NPIPA5: variants seen among roughly 807,000 people sequenced by gnomAD.
The protein encoded by NPIPA5 is nuclear pore complex interacting protein family member A5.
In NPIPA5, 6 loss-of-function variants were observed where a neutral mutation model predicts 21.4. The ratio of observed to expected loss-of-function variants is 0.28; its 90% CI spans 0.15 to 0.55. The LOEUF (loss-of-function observed/expected upper bound fraction) is 0.55. Ranked by LOEUF, NPIPA5 falls within the 20% of genes least tolerant of loss-of-function variation. The pLI is 0.93. For synonymous variants in NPIPA5, 33 were observed against 115.3 expected (o/e 0.29, Z 4.57); for missense variants, 99 against 318.2 (o/e 0.31, Z 5.24).
intron 2 of NPIPA5, among the ~76,000 whole-genome samples, chr16:15,372,369 C>A (rs893365728): frequency 1.1e-4 from 16 of 147,744 alleles, no homozygotes; most frequent in African/African-American, 3.9e-4. Context: ...CCTGTAATCC[C>A]AGCTACTTGA....
intron 1 of NPIPA5, among the ~76,000 whole-genome samples, chr16:15,375,377 A>G (rs2050263394): frequency 1.6e-5 from 1 of 63,484 alleles, no homozygotes; most frequent in Non-Finnish European, 4.1e-5. Context: ...AAAGCTCAGC[A>G]TAAGTAAAAA....
chr16:15,371,389 C>G (rs1253066020), intron 2 of NPIPA5, among the ~76,000 whole-genome samples: 1 of 147,646 alleles, frequency 6.8e-6, no homozygotes, highest in African/African-American at 2.5e-5. Context: ...TCCATATTAT[C>G]ACAGTATGCT....
intron 1 of NPIPA5, among the ~76,000 whole-genome samples, chr16:15,377,817 G>T (rs1291323810): frequency 2.7e-5 from 4 of 150,898 alleles, no homozygotes; most frequent in African/African-American, 9.7e-5. Flanking sequence ...AGAAGATCAG[G>T]GAAGCAACAG....
intron 2 of NPIPA5, among the ~76,000 whole-genome samples, chr16:15,370,703 A>T (rs2050130471): frequency 1.4e-5 from 2 of 138,864 alleles, no homozygotes; most frequent in South Asian, 4.9e-4. Context: ...TTGAGCTGAG[A>T]TTGTGCCATT....
chr16:15,375,757 A>AG (rs1195309971), intron 1 of NPIPA5, among the ~76,000 whole-genome samples: 1 of 149,588 alleles, frequency 6.7e-6, no homozygotes, highest in East Asian at 2.0e-4. Context: ...AAAAAAAAAA[A>AG]AAATTACCAA....
chr16:15,379,104 G>A (rs1242119698), upstream of NPIPA5, among the ~76,000 whole-genome samples: 2 of 152,118 alleles, frequency 1.3e-5, no homozygotes, highest in Non-Finnish European at 2.9e-5. Context: ...CACACAGAGT[G>A]TGCCCAAACT....
chr16:15,376,283 C>T (rs1210577586), intron 1 of NPIPA5, among the ~76,000 whole-genome samples: 2 of 146,750 alleles, frequency 1.4e-5, no homozygotes, highest in South Asian at 2.2e-4. Context: ...AATCCCAACA[C>T]TTTGGGAGGC....
intron 2 of NPIPA5, among the ~76,000 whole-genome samples, chr16:15,370,431 C>T (rs1459502428): frequency 7.1e-6 from 1 of 140,238 alleles, no homozygotes; most frequent in Non-Finnish European, 1.5e-5. Flanking sequence ...GTCACACACA[C>T]ACACACACAC....
In NPIPA5 at chr16:15,363,719, A is replaced by T. The variant is rs1199534746; in HGVS notation, c.993T>A (p.Pro331=). ...PPSADDNLKT[P]PECVCSLPFH... is the part of the protein sequence containing the mutation. ...AGGGGAGTGAGCAGACACACTCGGG[A>T]GGTGTCTTGAGATTATCATCCGCTG... Residue 331 remains proline, a synonymous_variant, in exon 8 of 8, where the codon CCT becomes CCA. Coordinates refer to ENST00000360151, the MANE Select transcript of NPIPA5 (RefSeq NM_001277325.2). 4 of 1,398,616 alleles carry T rather than the reference A, an allele frequency of 2.9e-6. No individual in the cohort carries two copies. The African/African-American group carries it at 6.6e-5, about 23-fold the overall frequency. The allele number at this position is 1,398,616 out of a possible 1,614,324, so 86.6% of individuals were successfully genotyped here.
upstream of NPIPA5, chr16:15,380,943 G>T (rs750775880): frequency 7.2e-6 from 10 of 1,396,948 alleles, no homozygotes; most frequent in Non-Finnish European, 9.6e-6. Context: ...TCAGGTACTC[G>T]CATGGGCATG....
chr16:15,370,820 G>A (rs575029473), intron 2 of NPIPA5, among the ~76,000 whole-genome samples: 1 of 148,550 alleles, frequency 6.7e-6, no homozygotes, highest in Non-Finnish European at 1.5e-5. Context: ...GGAGGCCGAG[G>A]CGGGTGAATC....
chr16:15,375,697 G>T (rs1404642881), intron 1 of NPIPA5, among the ~76,000 whole-genome samples: 1 of 141,450 alleles, frequency 7.1e-6, no homozygotes, highest in South Asian at 2.3e-4. Flanking sequence ...AGCCAAGATC[G>T]CACCACTGCA....
At chr16:15,377,600 CGG>C (rs1298459059) in intron 1 of NPIPA5, among the ~76,000 whole-genome samples, 1 of 121,152 alleles carries the variant, frequency 8.3e-6, no homozygotes, top group Non-Finnish European at 1.7e-5. Context: ...GGGAAGGGGA[CGG>C]GGACCGGGGC....
At chr16:15,372,677 CT>C (rs1418579667) in intron 2 of NPIPA5, among the ~76,000 whole-genome samples, 1 of 145,760 alleles carries the variant, frequency 6.9e-6, no homozygotes, top group African/African-American at 2.5e-5. Context: ...CTGAAACATA[CT>C]TCCTCTTCCC....
intron 1 of NPIPA5, among the ~76,000 whole-genome samples, chr16:15,377,606 C>A (rs933938564): frequency 1.7e-5 from 2 of 120,076 alleles, no homozygotes; most frequent in Admixed American, 1.8e-4. Context: ...GGGACGGGGA[C>A]CGGGGCCGGA....
intron 2 of NPIPA5, among the ~76,000 whole-genome samples, chr16:15,372,130 TGTCCAA>T (rs1194834441): frequency 1.3e-5 from 2 of 148,760 alleles, no homozygotes; most frequent in Non-Finnish European, 3.0e-5. Flanking sequence ...GGTACAAAGT[TGTCCAA>T]GTCCAACAGC....
intron 1 of NPIPA5, among the ~76,000 whole-genome samples, chr16:15,375,795 A>G (rs1389821844): frequency 6.6e-6 from 1 of 151,440 alleles, no homozygotes; most frequent in South Asian, 2.1e-4. Context: ...TGGCATGAAT[A>G]GTGTGGGATT....
chr16:15,377,322 C>T (rs1297687887), intron 1 of NPIPA5, among the ~76,000 whole-genome samples: 2 of 150,650 alleles, frequency 1.3e-5, no homozygotes, highest in African/African-American at 4.9e-5. Context: ...AATTTCATGC[C>T]GCGTGACACA....
intron 1 of NPIPA5, among the ~76,000 whole-genome samples, chr16:15,377,740 T>G (rs2050345524): frequency 7.0e-5 from 9 of 129,096 alleles, no homozygotes; most frequent in South Asian, 2.8e-4. Context: ...AAGAAAGGGG[T>G]CTGGGAAAGG....
Sources: allele counts gnomAD v4.1 joint callset (sites outside exome capture counted in the v4.1 genomes callset), GRCh38; gene constraint gnomAD v4.1.1; transcripts MANE v1.5; gene names NCBI Gene and HGNC (gene_info 2026-07-23, HGNC 2026-07-21).